The following PTPRD variants were observed in gnomAD, a reference collection of about 807,000 sequenced individuals.
PTPRD encodes the protein protein tyrosine phosphatase receptor type D.
A neutral mutation model predicts 214.5 loss-of-function variants in PTPRD; 34 were observed. That is an observed-to-expected ratio of 0.16 (90% CI 0.12 to 0.21). The LOEUF is 0.21. PTPRD is among the 10% of genes least tolerant of loss of function. The probability of loss-of-function intolerance (pLI) is 1.00; values close to 1 mark genes in which losing one functional copy is unlikely to be tolerated. For synonymous variants in PTPRD, 1,128 were observed against 845.7 expected, an observed-to-expected ratio of 1.33 and a Z score of -5.79; for missense variants, 2,545 against 2,398.7, an observed-to-expected ratio of 1.06 and a Z score of -1.27.
At chr9:8,976,356 C>T (rs528269727) in intron 11 of PTPRD, among the ~76,000 whole-genome samples, 2 of 152,134 alleles carry the variant, frequency 1.3e-5, no homozygotes, top group South Asian at 4.1e-4. Flanking sequence ...ATTAATACTT[C>T]CAAATATGAC....
intron 34 of PTPRD, among the ~76,000 whole-genome samples, chr9:8,445,248 G>A (rs576455816): frequency 4.1e-4 from 63 of 152,096 alleles, no homozygotes; most frequent in Non-Finnish European, 7.1e-4. Flanking sequence ...GGCTGACCTT[G>A]TACACTAATA....
intron 5 of PTPRD, among the ~76,000 whole-genome samples, chr9:9,879,473 A>T (rs1565961276): frequency 6.6e-6 from 1 of 152,228 alleles, no homozygotes; most frequent in Non-Finnish European, 1.5e-5. Context: ...ATCATAGAGG[A>T]AGTGATTGAT....
chr9:10,431,059 G>C (rs938006868), intron 2 of PTPRD, among the ~76,000 whole-genome samples: 4 of 151,958 alleles, frequency 2.6e-5, no homozygotes, highest in African/African-American at 7.2e-5. Context: ...AACTACCAGA[G>C]AATAATACTT....
chr9:9,682,286 T>C (rs1564516434), intron 7 of PTPRD, among the ~76,000 whole-genome samples: 1 of 151,744 alleles, frequency 6.6e-6, no homozygotes, highest in Non-Finnish European at 1.5e-5. Context: ...TCTAGTCCTA[T>C]AGTTATATTG....
intron 9 of PTPRD, among the ~76,000 whole-genome samples, chr9:9,338,260 G>A (rs78771939): frequency 0.011 from 1,715 of 152,214 alleles, 27 homozygotes; most frequent in African/African-American, 0.039. Flanking sequence ...ACAGAATGTA[G>A]GCTTAATAGT....
chr9:8,612,237 T>C (rs893938686), intron 14 of PTPRD, among the ~76,000 whole-genome samples: 4 of 152,252 alleles, frequency 2.6e-5, no homozygotes, highest in African/African-American at 7.2e-5. Context: ...CTACAAAACA[T>C]ATCTCCTTTA....
intron 3 of PTPRD, among the ~76,000 whole-genome samples, chr9:10,082,842 C>CACACACAA (rs1555566930): frequency 4.3e-5 from 5 of 117,606 alleles, no homozygotes; most frequent in African/African-American, 1.8e-4. Flanking sequence ...CACACACAAA[C>CACACACAA]ACACACACAC....
At chr9:9,144,549 C>T (rs201507134) in intron 10 of PTPRD, among the ~76,000 whole-genome samples, 1 of 152,056 alleles carries the variant, frequency 6.6e-6, no homozygotes, top group African/African-American at 2.4e-5. Context: ...GTCAGAAGGT[C>T]GAGACCATCC....
intron 2 of PTPRD, among the ~76,000 whole-genome samples, chr9:10,425,627 C>T (rs2098606431): frequency 6.6e-6 from 1 of 151,930 alleles, no homozygotes; most frequent in Non-Finnish European, 1.5e-5. Flanking sequence ...TGTTGTTTTT[C>T]CACAAGTAAA....
intron 3 of PTPRD, among the ~76,000 whole-genome samples, chr9:10,045,837 A>AT (rs560403811): frequency 4.6e-5 from 7 of 151,788 alleles, no homozygotes; most frequent in South Asian, 4.2e-4. Context: ...TCATCAAATG[A>AT]TTTTTTTAAA....
intron 3 of PTPRD, among the ~76,000 whole-genome samples, chr9:10,087,176 T>G (rs919506203): frequency 6.6e-6 from 1 of 151,380 alleles, no homozygotes; most frequent in South Asian, 2.1e-4. Context: ...GTATGTAATA[T>G]GTATAATAAA....
chr9:9,331,457 T>C (rs1463766640), intron 9 of PTPRD, among the ~76,000 whole-genome samples: 2 of 152,062 alleles, frequency 1.3e-5, no homozygotes, highest in South Asian at 2.1e-4. Context: ...ATCCTATCAA[T>C]TGAAACTGGA....
rs866435251 is a variant in PTPRD, at chr9:9,780,607, C to A, written c.-367-13756G>T. On this transcript the variant is annotated intron_variant, in intron 5 of 45. Coordinates refer to ENST00000381196, the MANE Select transcript of PTPRD (RefSeq NM_002839.4). ...TGCTGGTATAATAATGCAAAAATGG[C>A]ACAGGCACTTTGGAAGACAGTTTGG... Among the ~76,000 whole-genome samples the A allele has an allele frequency of 2.0e-4, 31 of 152,192 alleles. No homozygotes were observed. In the South Asian group the frequency reaches 5.6e-3, roughly 28 times the overall value.
chr9:9,459,372 G>A (rs1214180536), intron 8 of PTPRD, among the ~76,000 whole-genome samples: 1 of 151,994 alleles, frequency 6.6e-6, no homozygotes, highest in East Asian at 1.9e-4. Context: ...GCTAGAGAAA[G>A]AAATAAAAGG....
At chr9:8,404,744 G>C in intron 35 of PTPRD, 84 bp from the exon 36 acceptor site, 1 of 1,439,878 alleles carries the variant, frequency 6.9e-7, no homozygotes, top group South Asian at 1.5e-5. Flanking sequence ...TAATAAACAT[G>C]ATTTAAAAGG....
rs2094598484 is a variant in PTPRD, at chr9:9,965,158, T to C, written c.-471-26548A>G. On this transcript the variant is annotated intron_variant, in intron 4 of 45. Transcript: ENST00000381196. ...TAACGTGGATAGATTCAAACTGCCC[T>C]TAAAAATTGCAAGAATATTAGTTCT... Among the ~76,000 whole-genome samples, 4 of 152,272 alleles carry C rather than the reference T, an allele frequency of 2.6e-5. No homozygotes were observed. The South Asian group carries it at 8.3e-4, about 32-fold the overall frequency.
At chr9:8,695,353 C>G (rs977404447) in intron 12 of PTPRD, among the ~76,000 whole-genome samples, 3 of 152,092 alleles carry the variant, frequency 2.0e-5, no homozygotes, top group Non-Finnish European at 4.4e-5. Flanking sequence ...TCACTTTTTT[C>G]AACCAGTAAG....
intron 11 of PTPRD, among the ~76,000 whole-genome samples, chr9:8,796,935 TG>T (rs1296080499): frequency 6.6e-6 from 1 of 152,044 alleles, no homozygotes; most frequent in African/African-American, 2.4e-5. Flanking sequence ...TTAAAATTTT[TG>T]TTTTTTTTCT....
At chr9:9,859,168 C>T (rs1163688908) in intron 5 of PTPRD, among the ~76,000 whole-genome samples, 2 of 152,220 alleles carry the variant, frequency 1.3e-5, no homozygotes, top group Admixed American at 1.3e-4. Context: ...AAGGTACCTG[C>T]TTCCCCTTTG....
Sources: allele counts gnomAD v4.1 joint callset (sites outside exome capture counted in the v4.1 genomes callset), GRCh38; gene constraint gnomAD v4.1.1; transcripts MANE v1.5; gene names NCBI Gene and HGNC (gene_info 2026-07-23, HGNC 2026-07-21).